HERC6: variants seen among roughly 807,000 people sequenced by gnomAD.
HERC6 encodes probable E3 ubiquitin-protein ligase HERC6.
HERC6 carries 101 observed loss-of-function variants against 114.5 expected under a neutral mutation model. The observed-to-expected ratio is 0.88, with a 90% CI of 0.75 to 1.04. The LOEUF (loss-of-function observed/expected upper bound fraction) is 1.04, where lower values mean the gene tolerates loss of function less well. Among genes scored for constraint, HERC6 ranks in the 50% least tolerant of loss-of-function variants. The pLI is 0.00. For missense variants in HERC6, 1,133 were observed against 1,230.9 expected, an observed-to-expected ratio of 0.92 and a Z score of 1.19; for synonymous variants, 408 against 436.2, an observed-to-expected ratio of 0.94 and a Z score of 0.81.
chr4:88,436,012 G>A, intron 18 of HERC6, 121 bp downstream of exon 18: 1 of 676,646 alleles, frequency 1.5e-6, no homozygotes, highest in Non-Finnish European at 2.2e-6. Context: ...ATGCTCTTGA[G>A]AGGAATTTGA....
chr4:88,414,017 A>G (rs776446385), intron 12 of HERC6, among the ~76,000 whole-genome samples: 11 of 152,196 alleles, frequency 7.2e-5, no homozygotes, highest in Non-Finnish European at 1.5e-4. Flanking sequence ...CATGAAAGGC[A>G]ATTCTGTTCT....
chr4:88,438,503 C>A (rs1738994516), intron 20 of HERC6, among the ~76,000 whole-genome samples: 2 of 152,078 alleles, frequency 1.3e-5, no homozygotes, highest in Admixed American at 1.3e-4. Flanking sequence ...CTCAGCCTCC[C>A]AAAGTACTGG....
chr4:88,411,142 A>T (rs1311745185), intron 11 of HERC6, among the ~76,000 whole-genome samples: 1 of 152,182 alleles, frequency 6.6e-6, no homozygotes, highest in Admixed American at 6.5e-5. Flanking sequence ...TTTCATTTTC[A>T]AGATGAAGTG....
In HERC6 at chr4:88,431,162, G is replaced by T; in HGVS notation, c.2107G>T (p.Val703Phe). 1 of 1,605,820 alleles carries T rather than the reference G, an allele frequency of 6.2e-7. No homozygotes were observed. The highest frequency in any genetic ancestry group is 8.5e-7 in the Non-Finnish European group (1 of 1,177,452). ...CTGGGACTATGTTCTCTTTCCTTAG[G>T]TTGAATTTATTAATGAAATTTGTCC... is the stretch of plus-strand genomic sequence containing the variant. ...EATDFCKVLV[V>F]EFINEICPES... The change falls in exon 17 of 23, where the codon GTT becomes TTT. Residue 703 changes from valine to phenylalanine, a missense_variant and splice_region_variant. Val to Phe is a conservative substitution (Grantham distance 50, BLOSUM62 -1). Transcript: ENST00000264346.
At chr4:88,389,781 G>T (rs950435364) in intron 3 of HERC6, among the ~76,000 whole-genome samples, 3 of 152,086 alleles carry the variant, frequency 2.0e-5, no homozygotes, top group African/African-American at 4.8e-5. Context: ...GAAATAGAAG[G>T]AAATCCTACC....
intron 10 of HERC6, among the ~76,000 whole-genome samples, chr4:88,407,290 A>T (rs952228664): frequency 1.3e-5 from 2 of 151,628 alleles, no homozygotes; most frequent in Admixed American, 6.6e-5. Flanking sequence ...ACGTTGGGCC[A>T]GGCTGGTCTC....
In HERC6 at chr4:88,405,679, A is replaced by G. The variant is rs973254692; in HGVS notation, c.1274+66A>G. On this transcript the variant is annotated intron_variant, in intron 10 of 22. Coordinates refer to ENST00000264346, the MANE Select transcript of HERC6 (RefSeq NM_017912.4). ...AAAATATTTAAAATGAAATGTTTCAAGTAAGTTTAATTTGTGAATTTTGTT... is the reference window on the plus strand; with the variant it reads ...AAAATATTTAAAATGAAATGTTTCAGGTAAGTTTAATTTGTGAATTTTGTT... The G allele has an allele frequency of 1.4e-5, 12 of 861,680 alleles. No individual in the cohort carries two copies. In the African/African-American group the frequency reaches 1.9e-4, roughly 14 times the overall value. 53.4% of individuals were successfully genotyped at this position (861,680 alleles called of 1,614,324 possible). A position where few individuals can be genotyped will look rare whatever the true frequency, so the allele number is the denominator to read the frequency against.
chr4:88,383,144 A>G (rs1307556029), intron 1 of HERC6, 77 bp from the exon 2 acceptor site: 1 of 1,527,034 alleles, frequency 6.5e-7, no homozygotes, highest in East Asian at 2.4e-5. Flanking sequence ...TTTTTGAAGA[A>G]AAGTGCTGTC....
chr4:88,407,227 G>A (rs1191183398), intron 10 of HERC6, among the ~76,000 whole-genome samples: 6 of 151,512 alleles, frequency 4.0e-5, no homozygotes, highest in Non-Finnish European at 4.4e-5. Flanking sequence ...ACAGGCATGC[G>A]CCACCATGCC....
intron 10 of HERC6, among the ~76,000 whole-genome samples, chr4:88,407,581 A>G (rs1328893261): frequency 6.7e-6 from 1 of 149,378 alleles, no homozygotes; most frequent in Non-Finnish European, 1.5e-5. Context: ...TTTTTTTTTA[A>G]TTTTTTTGTA....
At chr4:88,398,233 T>G (rs988438688) in intron 8 of HERC6, 24 bp downstream of exon 8, 6 of 1,440,860 alleles carry the variant, frequency 4.2e-6, no homozygotes, top group Non-Finnish European at 5.6e-6. Flanking sequence ...TTTTTGTTCC[T>G]CTTAAAAATT....
chr4:88,396,761 T>A (rs1207935475), intron 6 of HERC6, 90 bp from the exon 7 acceptor site: 2 of 1,249,822 alleles, frequency 1.6e-6, no homozygotes, highest in East Asian at 5.3e-5. Flanking sequence ...TTGGGCTTTT[T>A]GTGTTTGTTA....
At position 88,385,570 on chromosome 4, in the gene HERC6, CAA is replaced by C; in HGVS notation, c.434_435del (p.Lys145ArgfsTer2). ...GGACACTACCACTCCCTGGCATTAT[CAA>C]AAGGTAAGAAACACTTTTTGGATCT... On this transcript the variant is annotated frameshift_variant, in exon 3 of 23. Coordinates refer to ENST00000264346, the MANE Select transcript of HERC6 (RefSeq NM_017912.4). LOFTEE classifies it high-confidence loss of function. 1 of 1,489,486 alleles carries C rather than the reference CAA, an allele frequency of 6.7e-7. No individual in the cohort carries two copies. The highest frequency in any genetic ancestry group is 9.0e-7 in the Non-Finnish European group (1 of 1,111,586). 92.3% of individuals were successfully genotyped at this position (1,489,486 alleles called of 1,614,324 possible). A position where few individuals can be genotyped will look rare whatever the true frequency, so the allele number is the denominator to read the frequency against.
At chr4:88,409,173 T>C (rs1735959470) in intron 11 of HERC6, among the ~76,000 whole-genome samples, 3 of 152,368 alleles carry the variant, frequency 2.0e-5, no homozygotes, top group Admixed American at 2.0e-4. Flanking sequence ...CTGATAATTA[T>C]TTAGAATTCA....
At chr4:88,422,817 G>A (rs1036559871) in intron 13 of HERC6, among the ~76,000 whole-genome samples, 8 of 152,116 alleles carry the variant, frequency 5.3e-5, no homozygotes, top group African/African-American at 1.7e-4. Context: ...TTCCTTAAAT[G>A]ATAGGTAGAA....
At chr4:88,413,348 G>A in intron 12 of HERC6, 82 bp downstream of exon 12, 1 of 941,612 alleles carries the variant, frequency 1.1e-6, no homozygotes, top group Non-Finnish European at 1.6e-6. Context: ...TTGAATAGAA[G>A]ATTTCAAAAT....
chr4:88,403,317 C>T (rs897193834), intron 8 of HERC6, among the ~76,000 whole-genome samples: 5 of 152,160 alleles, frequency 3.3e-5, no homozygotes, highest in African/African-American at 7.2e-5. Flanking sequence ...AATCACCCAC[C>T]AGGTGATTTG....
intron 1 of HERC6, among the ~76,000 whole-genome samples, chr4:88,382,668 A>C (rs983773533): frequency 7.2e-5 from 11 of 152,194 alleles, no homozygotes; most frequent in African/African-American, 2.7e-4. Flanking sequence ...AACATTCAGC[A>C]GTTCATGAAT....
rs545404935 is a variant in HERC6, at chr4:88,432,902, C to T, written c.2250+1597C>T. 4.0e-5 allele frequency among the ~76,000 whole-genome samples: 6 copies of T among 151,868 alleles called. No individual in the cohort carries two copies. In the East Asian group the frequency reaches 1.2e-3, roughly 30 times the overall value. ...AGGAAATCGAGACCATCCTGGCTAG[C>T]ATGGTGAAACCCTATCTCTACTAAA... On this transcript the variant is annotated intron_variant, in intron 17 of 22. Coordinates refer to ENST00000264346, the MANE Select transcript of HERC6 (RefSeq NM_017912.4).
Sources: gnomAD v4.1 joint callset for allele counts (sites outside exome capture counted in the v4.1 genomes callset) on GRCh38, gnomAD v4.1.1 for gene constraint, MANE v1.5 for transcripts, NCBI Gene and HGNC (gene_info 2026-07-23, HGNC 2026-07-21) for gene names.